The following EDA variants were observed in gnomAD, a reference collection of about 807,000 sequenced individuals.
The protein encoded by EDA is ectodysplasin-A.
In EDA, 2 loss-of-function variants were observed where a neutral mutation model predicts 23.6. That is an observed-to-expected ratio of 0.08 (90% confidence interval 0.03 to 0.27). The LOEUF (loss-of-function observed/expected upper bound fraction) is 0.27, where lower values mean the gene tolerates loss of function less well. Among genes scored for constraint, EDA ranks in the 10% least tolerant of loss-of-function variants. The pLI is 1.00. For synonymous variants in EDA, 131 were observed against 132.0 expected (o/e 0.99, Z 0.05); for missense variants, 229 against 324.2 (o/e 0.71, Z 2.26).
chrX:69,868,742 C>G (rs968507673), intron 1 of EDA, among the ~76,000 whole-genome samples: 29 of 112,225 alleles, frequency 2.6e-4, no homozygotes, highest in African/African-American at 8.4e-4. Context: ...CAGCTGAAGG[C>G]AAATTGCTTC....
At chrX:69,644,217 A>G in intron 1 of EDA, among the ~76,000 whole-genome samples, 1 of 110,964 alleles carries the variant, frequency 9.0e-6, no homozygotes, top group Non-Finnish European at 1.9e-5. Flanking sequence ...TTTTCAAGAT[A>G]TTGATTCTTC....
intron 1 of EDA, among the ~76,000 whole-genome samples, chrX:69,866,360 T>C (rs2017485947): frequency 9.0e-6 from 1 of 111,583 alleles, no homozygotes; most frequent in African/African-American, 3.3e-5. Flanking sequence ...TAACTCCCCT[T>C]TTACCCTGTT....
At chrX:69,824,331 C>G (rs1331808241) in intron 1 of EDA, among the ~76,000 whole-genome samples, 1 of 110,011 alleles carries the variant, frequency 9.1e-6, no homozygotes, top group Non-Finnish European at 1.9e-5. Flanking sequence ...TACGCATGAG[C>G]ATGGAATGTT....
intron 1 of EDA, among the ~76,000 whole-genome samples, chrX:69,758,325 G>T (rs2014188884): frequency 1.8e-5 from 2 of 111,886 alleles, no homozygotes; most frequent in Non-Finnish European, 3.8e-5. Context: ...GGAGAAATGG[G>T]TATCTTGGAT....
rs150256862 is a variant in EDA at position 69,973,113 on chromosome X, T to G, written c.502+15981T>G. Among the ~76,000 whole-genome samples the G allele has an allele frequency of 1.7e-4, 19 of 111,413 alleles. No homozygotes were observed. In the East Asian group the frequency reaches 5.4e-3, roughly 31 times the overall value. The stretch of plus-strand genomic sequence containing the variant: ...GAAAACTCCTTACTTATTTTAGAGT[T>G]TTCAATCTTTTCCTCCACCCCCAGA... On this transcript the variant is annotated intron_variant, in intron 2 of 7. Transcript: ENST00000374552.
intron 1 of EDA, among the ~76,000 whole-genome samples, chrX:69,856,463 T>C (rs1349629559): frequency 9.0e-6 from 1 of 110,977 alleles, no homozygotes; most frequent in Admixed American, 9.7e-5. Context: ...AAGGTTATAC[T>C]AATTGACATT....
intron 2 of EDA, among the ~76,000 whole-genome samples, chrX:69,963,602 G>T (rs1432204205): frequency 8.9e-6 from 1 of 111,934 alleles, no homozygotes; most frequent in African/African-American, 3.2e-5. Flanking sequence ...AAAATATCTA[G>T]CTTGCTCATA....
chrX:69,817,683 G>A (rs1234836304), intron 1 of EDA, among the ~76,000 whole-genome samples: 1 of 111,921 alleles, frequency 8.9e-6, no homozygotes, highest in Admixed American at 9.5e-5. Context: ...TATCTTAAAT[G>A]TATATGTGCC....
chrX:70,035,210 C>T, intron 7 of EDA, 148 bp from the exon 8 acceptor site: 2 of 656,511 alleles, frequency 3.0e-6, no homozygotes, highest in Non-Finnish European at 4.6e-6. Context: ...TTCCTGTTGG[C>T]CAGCTAGCAC....
chrX:69,706,897 C>T (rs969515825), intron 1 of EDA, among the ~76,000 whole-genome samples: 2 of 111,379 alleles, frequency 1.8e-5, no homozygotes, highest in East Asian at 5.7e-4. Flanking sequence ...TGGCCTGGAC[C>T]AGTCTCTCAG....
chrX:69,856,381 G>GT (rs1289150973), intron 1 of EDA, among the ~76,000 whole-genome samples: 2 of 107,310 alleles, frequency 1.9e-5, no homozygotes, highest in Non-Finnish European at 3.8e-5. Context: ...TAGATACCCA[G>GT]TAGTGGGATT....
chrX:69,707,047 C>T (rs1474065105), intron 1 of EDA, among the ~76,000 whole-genome samples: 1 of 111,474 alleles, frequency 9.0e-6, no homozygotes, highest in Non-Finnish European at 1.9e-5. Flanking sequence ...CAGTCAGAAT[C>T]ATCAGTCAAC....
intron 1 of EDA, among the ~76,000 whole-genome samples, chrX:69,653,886 A>C (rs1286242856): frequency 2.7e-5 from 3 of 111,967 alleles, no homozygotes; most frequent in Non-Finnish European, 5.6e-5. Flanking sequence ...GGACATAGGC[A>C]TGGGCAAGGA....
chrX:69,908,415 A>G (rs377100259), intron 1 of EDA, among the ~76,000 whole-genome samples: 1 of 110,264 alleles, frequency 9.1e-6, no homozygotes, highest in African/African-American at 3.3e-5. Context: ...GTAGCTTACC[A>G]TAGAGCTCTG....
intron 2 of EDA, among the ~76,000 whole-genome samples, chrX:69,973,993 A>C (rs757683804): frequency 9.1e-6 from 1 of 109,894 alleles, no homozygotes; most frequent in East Asian, 2.8e-4. Flanking sequence ...GTAGCATAAT[A>C]ACCTTTGTAA....
rs189415894 is a variant in EDA, at chrX:69,701,947, G to A, written c.396+85243G>A. 5.1e-4 allele frequency among the ~76,000 whole-genome samples: 57 copies of A among 110,951 alleles called. No individual in the cohort carries two copies. In the East Asian group the frequency reaches 0.015, roughly 28 times the overall value. On this transcript the variant is annotated intron_variant, in intron 1 of 7. Coordinates refer to ENST00000374552, the MANE Select transcript of EDA (RefSeq NM_001399.5). ...TTGGTGATGAATTGTATTAGCATAC[G>A]CCTGAGCTAGGGTCCAGATATGGTC...
chrX:70,031,880 T>C (rs976918029), intron 6 of EDA, among the ~76,000 whole-genome samples: 4 of 112,269 alleles, frequency 3.6e-5, no homozygotes, highest in Non-Finnish European at 7.5e-5. Context: ...CTGATTTTGC[T>C]CCCACTGCCA....
rs1189179243 is a variant in EDA, at chrX:69,764,234, CTTTT to C, written c.396+147553_396+147556del. On this transcript the variant is annotated intron_variant, in intron 1 of 7. Transcript: ENST00000374552. Reference sequence around the variant, plus strand: ...CTACCACTCCCATTCATTTTTTATTCTTTTTTTTTTTTTTTTTTTTTTTTTTGAG... The same window carrying C: ...CTACCACTCCCATTCATTTTTTATTCTTTTTTTTTTTTTTTTTTTTTTGAG... 1.6e-4 allele frequency among the ~76,000 whole-genome samples: 7 copies of C among 44,546 alleles called. No individual in the cohort carries two copies. In the South Asian group the frequency reaches 0.015, roughly 96 times the overall value. 38.7% of individuals were successfully genotyped at this position (44,546 alleles called of 115,157 possible).
chrX:70,009,133 C>G (rs775049956), intron 2 of EDA, among the ~76,000 whole-genome samples: 3 of 111,569 alleles, frequency 2.7e-5, no homozygotes, highest in African/African-American at 9.8e-5. Flanking sequence ...GGCAGCCCCT[C>G]TGTCATTTCT....
Sources: allele counts gnomAD v4.1 joint callset (sites outside exome capture counted in the v4.1 genomes callset), GRCh38; gene constraint gnomAD v4.1.1; transcripts MANE v1.5; gene names NCBI Gene and HGNC (gene_info 2026-07-23, HGNC 2026-07-21).